MTMR7: variants seen among roughly 807,000 people sequenced by gnomAD.
MTMR7 encodes myotubularin related protein 7.
MTMR7 carries 76 observed loss-of-function variants against 81.2 expected under a neutral mutation model. That is an observed-to-expected ratio of 0.94 (90% CI 0.78 to 1.13). MTMR7 has a LOEUF of 1.13. Ranked by LOEUF, MTMR7 falls within the 50% of genes most tolerant of loss-of-function variation. MTMR7 has a pLI of 0.00. For missense variants in MTMR7, 1,044 were observed against 820.0 expected, an observed-to-expected ratio of 1.27 and a Z score of -3.34; for synonymous variants, 372 against 289.8, an observed-to-expected ratio of 1.28 and a Z score of -2.88.
At position 17,336,810 on chromosome 8, in the gene MTMR7, C is replaced by T. The variant is rs1006093709; in HGVS notation, c.732+4553G>A. Reference sequence around the variant, plus strand: ...TGGGAGGTTCTCTGGCCTCGTCAGGCGTGTGCTCAGAGGTGGTAACCCCAC... The same window carrying T: ...TGGGAGGTTCTCTGGCCTCGTCAGGTGTGTGCTCAGAGGTGGTAACCCCAC... On this transcript the variant is annotated intron_variant, in intron 6 of 13. Coordinates refer to ENST00000180173, the MANE Select transcript of MTMR7 (RefSeq NM_004686.5). Among the ~76,000 whole-genome samples, 10 of 152,250 alleles carry T rather than the reference C, an allele frequency of 6.6e-5. No homozygotes were observed. In the East Asian group the frequency reaches 7.8e-4, roughly 12 times the overall value.
chr8:17,412,772 T>C (rs149808787), intron 1 of MTMR7, among the ~76,000 whole-genome samples: 2 of 152,154 alleles, frequency 1.3e-5, no homozygotes, highest in African/African-American at 4.8e-5. Flanking sequence ...ACGCTCAGGA[T>C]GAGGATGCTG....
intron 1 of MTMR7, among the ~76,000 whole-genome samples, chr8:17,388,046 G>C (rs563292587): frequency 6.6e-6 from 1 of 152,150 alleles, no homozygotes; most frequent in Non-Finnish European, 1.5e-5. Flanking sequence ...GAAATTCTTA[G>C]AAAAGGCAGA....
intron 1 of MTMR7, among the ~76,000 whole-genome samples, chr8:17,383,853 T>G (rs1478994587): frequency 6.6e-6 from 1 of 152,034 alleles, no homozygotes; most frequent in East Asian, 1.9e-4. Context: ...ATCGAAAGGT[T>G]CAAAGGCCTC....
intron 8 of MTMR7, among the ~76,000 whole-genome samples, chr8:17,312,506 C>G (rs1310034693): frequency 3.5e-5 from 5 of 140,854 alleles, no homozygotes; most frequent in African/African-American, 1.1e-4. Context: ...ACCTGGGAGG[C>G]AGAGGTTGCA....
intron 3 of MTMR7, among the ~76,000 whole-genome samples, chr8:17,366,284 C>T (rs947303024): frequency 1.3e-5 from 2 of 151,948 alleles, no homozygotes; most frequent in African/African-American, 4.8e-5. Flanking sequence ...TAGCTTGTTC[C>T]CTAGGTATCA....
chr8:17,299,021 T>C lies in MTMR7; in HGVS notation c.*841A>G, dbSNP rs962270985. 3.9e-5 allele frequency: 6 copies of C among 152,202 alleles called. No individual in the cohort carries two copies. Among genetic ancestry groups the C allele is most frequent in the African/African-American group, 1.4e-4 (6 of 41,450 alleles). The allele number at this position is 152,202 out of a possible 1,614,324, so 9.4% of individuals were successfully genotyped here. ...GATGTTTTATCTACTAACTTTATAA[T>C]GTGATACTTTGAGATCAGGCTGGTG... is the stretch of plus-strand genomic sequence containing the variant. On this transcript the variant is annotated 3_prime_UTR_variant, in exon 14 of 14. Transcript: ENST00000180173.
chr8:17,300,501 C>CTCT, intron 13 of MTMR7, among the ~76,000 whole-genome samples: 1 of 152,276 alleles, frequency 6.6e-6, no homozygotes. Context: ...CCTAGTCTCC[C>CTCT]TCTTTTCTAT....
intron 1 of MTMR7, among the ~76,000 whole-genome samples, chr8:17,377,375 G>A (rs1354305833): frequency 6.6e-6 from 1 of 151,834 alleles, no homozygotes; most frequent in Non-Finnish European, 1.5e-5. Context: ...TCTTATCTGT[G>A]GGTAAACCCC....
At chr8:17,365,178 C>T (rs900692509) in intron 3 of MTMR7, among the ~76,000 whole-genome samples, 1 of 152,156 alleles carries the variant, frequency 6.6e-6, no homozygotes, top group African/African-American at 2.4e-5. Context: ...TGAGGTTGAG[C>T]GTTTGTTCAT....
intron 4 of MTMR7, among the ~76,000 whole-genome samples, chr8:17,355,844 A>T (rs1014077604): frequency 6.6e-6 from 1 of 152,248 alleles, no homozygotes; most frequent in African/African-American, 2.4e-5. Flanking sequence ...TAACCTCACT[A>T]GTCAATCAGG....
At chr8:17,366,157 T>G (rs190787198) in intron 3 of MTMR7, among the ~76,000 whole-genome samples, 1 of 152,164 alleles carries the variant, frequency 6.6e-6, no homozygotes, top group Admixed American at 6.5e-5. Flanking sequence ...TAAATGGGGC[T>G]GCATCCGTAT....
intron 3 of MTMR7, among the ~76,000 whole-genome samples, chr8:17,365,383 T>C (rs1449648486): frequency 6.6e-6 from 1 of 152,240 alleles, no homozygotes; most frequent in East Asian, 1.9e-4. Context: ...AAGCTTCTTA[T>C]ATTTTAGACA....
At chr8:17,407,910 T>C (rs1402968784) in intron 1 of MTMR7, among the ~76,000 whole-genome samples, 2 of 152,230 alleles carry the variant, frequency 1.3e-5, no homozygotes, top group African/African-American at 2.4e-5. Flanking sequence ...GCAAACCTCA[T>C]GGATCTGCTG....
chr8:17,379,442 G>A (rs546802666), intron 1 of MTMR7, among the ~76,000 whole-genome samples: 58 of 152,246 alleles, frequency 3.8e-4, no homozygotes, highest in Middle Eastern at 3.4e-3. Context: ...GCTACCAACC[G>A]GGGCATCTGC....
chr8:17,382,256 G>C (rs897385955), intron 1 of MTMR7, among the ~76,000 whole-genome samples: 3 of 152,208 alleles, frequency 2.0e-5, no homozygotes, highest in Admixed American at 6.5e-5. Flanking sequence ...AAAGGACTGT[G>C]ATAAGCATCC....
intron 6 of MTMR7, among the ~76,000 whole-genome samples, chr8:17,333,212 C>A (rs1028751163): frequency 2.2e-4 from 33 of 151,920 alleles, no homozygotes; most frequent in Non-Finnish European, 5.9e-5. Flanking sequence ...AGGCATGCTA[C>A]GAGAATAAAG....
At chr8:17,346,230 T>C (rs1819547171) in intron 5 of MTMR7, 1 of 152,162 alleles carries the variant, frequency 6.6e-6, no homozygotes, top group African/African-American at 2.4e-5. Context: ...AAAACACAAA[T>C]TTGATCATTA....
chr8:17,303,206 C>G (rs1432761069), intron 12 of MTMR7, among the ~76,000 whole-genome samples: 3 of 152,134 alleles, frequency 2.0e-5, no homozygotes, highest in Admixed American at 6.5e-5. Context: ...TATGTGTTGA[C>G]TAGCTGTTAA....
intron 4 of MTMR7, among the ~76,000 whole-genome samples, chr8:17,360,216 G>C (rs555089352): frequency 6.6e-6 from 1 of 152,182 alleles, no homozygotes; most frequent in African/African-American, 2.4e-5. Flanking sequence ...GTTTAAATAG[G>C]TTTGTGTGTG....
Sources: gnomAD v4.1 joint callset for allele counts (sites outside exome capture counted in the v4.1 genomes callset) on GRCh38, gnomAD v4.1.1 for gene constraint, MANE v1.5 for transcripts, NCBI Gene and HGNC (gene_info 2026-07-23, HGNC 2026-07-21) for gene names.